C12orf42: variants seen among roughly 807,000 people sequenced by gnomAD.
The protein encoded by C12orf42 is chromosome 12 open reading frame 42.
A neutral mutation model predicts 21.6 loss-of-function variants in C12orf42; 25 were observed. The ratio of observed to expected loss-of-function variants is 1.16; its 90% confidence interval spans 0.84 to 1.62. C12orf42 has a LOEUF of 1.62. Ranked by LOEUF, C12orf42 falls within the 40% of genes most tolerant of loss-of-function variation. The pLI is 0.00. For synonymous variants in C12orf42, 174 were observed against 175.0 expected, an observed-to-expected ratio of 0.99 and a Z score of 0.05; for missense variants, 483 against 459.3, an observed-to-expected ratio of 1.05 and a Z score of -0.47.
chr12:103,249,958 G>A (rs1443573817), intron 10 of C12orf42, among the ~76,000 whole-genome samples: 1 of 152,008 alleles, frequency 6.6e-6, no homozygotes, highest in Non-Finnish European at 1.5e-5. Flanking sequence ...TTTTGTTCAA[G>A]TTATGACAAT....
chr12:103,140,416 C>G, the C12orf42 span, among the ~76,000 whole-genome samples: 2 of 152,144 alleles, frequency 1.3e-5, no homozygotes, highest in Non-Finnish European at 2.9e-5. Context: ...TTGGCTCTTA[C>G]GCTCTTTGAA....
At chr12:103,223,351 G>A in the C12orf42 span, among the ~76,000 whole-genome samples, 2,195 of 152,144 alleles carry the variant, frequency 0.014, 47 homozygotes, top group African/African-American at 0.049. Context: ...AACATTTGTC[G>A]TATAGAATGA....
chr12:103,263,677 C>T (rs945340935), downstream of C12orf42, among the ~76,000 whole-genome samples: 1 of 152,124 alleles, frequency 6.6e-6, no homozygotes, highest in Non-Finnish European at 1.5e-5. Flanking sequence ...AGGTGAATCC[C>T]ACCATGCCCC....
the C12orf42 span, among the ~76,000 whole-genome samples, chr12:103,216,732 T>G: frequency 1.3e-5 from 2 of 152,144 alleles, no homozygotes; most frequent in Non-Finnish European, 2.9e-5. Context: ...TGTGTCATTT[T>G]GGTCCCATTT....
chr12:103,428,391 A>G (rs1027032766), intron 2 of C12orf42, among the ~76,000 whole-genome samples: 1 of 152,224 alleles, frequency 6.6e-6, no homozygotes, highest in African/African-American at 2.4e-5. Flanking sequence ...ATTTCTGGAC[A>G]CATACACCCT....
chr12:103,357,217 A>T (rs2043663386), intron 4 of C12orf42, among the ~76,000 whole-genome samples: 1 of 151,770 alleles, frequency 6.6e-6, no homozygotes, highest in Admixed American at 6.6e-5. Context: ...TAATGGGTGC[A>T]GCACACCAGC....
the C12orf42 span, among the ~76,000 whole-genome samples, chr12:103,152,156 A>G: frequency 6.6e-6 from 1 of 152,218 alleles, no homozygotes; most frequent in Non-Finnish European, 1.5e-5. Context: ...CTAATGAATG[A>G]CCTTGGAAGA....
intron 4 of C12orf42, among the ~76,000 whole-genome samples, chr12:103,286,787 CA>C (rs1049426915): frequency 2.0e-5 from 3 of 151,798 alleles, no homozygotes; most frequent in African/African-American, 7.3e-5. Context: ...TAGGAATTAG[CA>C]AAAAGAAAGG....
chr12:103,442,876 T>C (rs369956959), intron 2 of C12orf42, among the ~76,000 whole-genome samples: 2 of 152,188 alleles, frequency 1.3e-5, no homozygotes, highest in East Asian at 1.9e-4. Context: ...TTGGAAATTA[T>C]ACATTCTCAA....
chr12:103,244,205 C>T (rs765312169), intron 10 of C12orf42, among the ~76,000 whole-genome samples: 8 of 152,120 alleles, frequency 5.3e-5, no homozygotes, highest in South Asian at 2.1e-4. Flanking sequence ...ATAACATGCA[C>T]GGATCCTAAT....
chr12:103,260,750 T>A (rs1367674120), intron 10 of C12orf42, among the ~76,000 whole-genome samples: 4 of 152,302 alleles, frequency 2.6e-5, no homozygotes, highest in African/African-American at 9.6e-5. Flanking sequence ...TGCAAATGCA[T>A]ATCTGTTTTT....
the C12orf42 span, among the ~76,000 whole-genome samples, chr12:103,066,214 T>C: frequency 3.8e-3 from 584 of 152,324 alleles, 3 homozygotes; most frequent in African/African-American, 0.012. Context: ...TGACCTGAAC[T>C]GCCTATCATA....
Position 103,457,936 on chromosome 12 carries a change from T to C in C12orf42, c.78+20413A>G, listed in dbSNP as rs145844874. Among the ~76,000 whole-genome samples the C allele has an allele frequency of 8.5e-4, 129 of 152,294 alleles. 1 individual carries two copies. In the East Asian group the frequency reaches 0.017, roughly 21 times the overall value. On this transcript the variant is annotated intron_variant, in intron 2 of 5. Coordinates refer to ENST00000548883, the MANE Select transcript of C12orf42 (RefSeq NM_198521.5). ...AGACCTGAAAATATTGAACTAATGG[T>C]CATCGTAACTGAGAAGGAGAGGAGA...
At chr12:103,294,519 GAAGAAA>G (rs2037075694) in intron 4 of C12orf42, among the ~76,000 whole-genome samples, 1 of 137,248 alleles carries the variant, frequency 7.3e-6, no homozygotes, top group Non-Finnish European at 1.6e-5. Flanking sequence ...AAGAAAGGAA[GAAGAAA>G]GAAAGAAGCA....
the C12orf42 span, among the ~76,000 whole-genome samples, chr12:103,171,755 C>G: frequency 5.9e-4 from 90 of 152,044 alleles, no homozygotes; most frequent in African/African-American, 2.0e-3. Context: ...TTGGGGCCCA[C>G]CTACGCCTAG....
intron 2 of C12orf42, among the ~76,000 whole-genome samples, chr12:103,410,097 C>T (rs538624695): frequency 6.6e-6 from 1 of 152,300 alleles, no homozygotes; most frequent in South Asian, 2.1e-4. Context: ...TTTAATCCAA[C>T]ATGCCAGCTG....
intron 3 of C12orf42, among the ~76,000 whole-genome samples, chr12:103,385,192 T>G (rs1301408404): frequency 2.0e-5 from 3 of 152,196 alleles, no homozygotes; most frequent in African/African-American, 7.2e-5. Context: ...TATAGACTAC[T>G]AAGTTAAGAA....
the C12orf42 span, among the ~76,000 whole-genome samples, chr12:103,061,240 G>C: frequency 6.6e-6 from 1 of 152,192 alleles, no homozygotes; most frequent in East Asian, 1.9e-4. Context: ...GTGCTGGGTG[G>C]TGTTGAAAGT....
intron 5 of C12orf42, among the ~76,000 whole-genome samples, chr12:103,271,737 G>T (rs934023527): frequency 1.3e-5 from 2 of 152,038 alleles, no homozygotes; most frequent in Non-Finnish European, 2.9e-5. Context: ...TAGTACTCTG[G>T]GTCCTGTGTT....
Sources: gnomAD v4.1 joint callset for allele counts (sites outside exome capture counted in the v4.1 genomes callset) on GRCh38, gnomAD v4.1.1 for gene constraint, MANE v1.5 for transcripts, NCBI Gene and HGNC (gene_info 2026-07-23, HGNC 2026-07-21) for gene names.